Variants in NDE1 observed in about 807,000 individuals in gnomAD.
NDE1 encodes the protein nuclear distribution protein nudE homolog 1.
A neutral mutation model predicts 43.4 loss-of-function variants in NDE1; 28 were observed. The observed-to-expected ratio is 0.65, with a 90% CI of 0.48 to 0.89. The LOEUF (loss-of-function observed/expected upper bound fraction) is 0.89, where lower values mean the gene tolerates loss of function less well. Among genes scored for constraint, NDE1 ranks in the 40% least tolerant of loss-of-function variants. The pLI is 0.00. For missense variants in NDE1, 441 were observed against 434.1 expected, an observed-to-expected ratio of 1.02 and a Z score of -0.14; for synonymous variants, 184 against 172.0, an observed-to-expected ratio of 1.07 and a Z score of -0.55.
Position 15,724,322 on chromosome 16 carries a change from C to T in NDE1, c.*71C>T, listed in dbSNP as rs764341540. 6 of 1,614,042 alleles carry T rather than the reference C, an allele frequency of 3.7e-6. No individual in the cohort carries two copies. Among genetic ancestry groups the T allele is most frequent in the African/African-American group, 1.3e-5 (1 of 74,908 alleles). On this transcript the variant is annotated 3_prime_UTR_variant, in exon 9 of 9. Coordinates refer to ENST00000396354, the MANE Select transcript of NDE1 (RefSeq NM_017668.3). ...TCCTCGTACTGCTGGGTGAGGTTCT[C>T]GATCTCCTTCTGGAACCTCTTCTTC...
chr16:15,685,087 C>G (rs1394804630), intron 4 of NDE1, among the ~76,000 whole-genome samples: 1 of 152,174 alleles, frequency 6.6e-6, no homozygotes, highest in African/African-American at 2.4e-5. Flanking sequence ...GATAATGGGT[C>G]TTCCTCTTTA....
Position 15,688,633 on chromosome 16 carries a change from CAAA to C in NDE1, c.523+1140_523+1142del, listed in dbSNP as rs35767829. 1.3e-4 allele frequency among the ~76,000 whole-genome samples: 5 copies of C among 37,450 alleles called. No individual in the cohort carries two copies. In the East Asian group the frequency reaches 3.1e-3, roughly 23 times the overall value. The allele number at this position is 37,450 out of a possible 152,430, so 24.6% of individuals were successfully genotyped here. A position where few individuals can be genotyped will look rare whatever the true frequency, so the allele number is the denominator to read the frequency against. On this transcript the variant is annotated intron_variant, in intron 5 of 8. Coordinates refer to ENST00000396354, the MANE Select transcript of NDE1 (RefSeq NM_017668.3). ...GGGTGACAGAGTGAGACTCTTGTCT[CAAA>C]AAAAAAAAAAAAAAAAAGACATTCA...
At chr16:15,699,759 G>T (rs538224201) in intron 8 of NDE1, 4 of 1,351,460 alleles carry the variant, frequency 3.0e-6, no homozygotes, top group Non-Finnish European at 2.9e-6. Flanking sequence ...TTGGGAAGCC[G>T]CCTTCACACA....
intron 8 of NDE1, among the ~76,000 whole-genome samples, chr16:15,705,842 G>A (rs1169481515): frequency 1.3e-5 from 2 of 151,998 alleles, no homozygotes; most frequent in South Asian, 2.1e-4. Flanking sequence ...TTAGCCGGGC[G>A]TGCTGGCGGG....
chr16:15,658,598 A>G (rs1343838144), intron 1 of NDE1, among the ~76,000 whole-genome samples: 1 of 152,228 alleles, frequency 6.6e-6, no homozygotes, highest in Admixed American at 6.5e-5. Flanking sequence ...AAATGAATGC[A>G]TGTCTGGAAA....
chr16:15,708,389 A>C (rs1428551281), intron 8 of NDE1, among the ~76,000 whole-genome samples: 1 of 152,206 alleles, frequency 6.6e-6, no homozygotes, highest in Non-Finnish European at 1.5e-5. Flanking sequence ...AGATAGTGGA[A>C]CTGTCATATT....
At chr16:15,718,218 G>A (rs2040269586) in intron 8 of NDE1, 5 of 1,585,508 alleles carry the variant, frequency 3.2e-6, no homozygotes, top group Admixed American at 1.7e-5. Context: ...TCCAGGGCCT[G>A]CACACAGGAA....
chr16:15,689,000 A>C (rs1596616902), intron 5 of NDE1, among the ~76,000 whole-genome samples: 1 of 152,110 alleles, frequency 6.6e-6, no homozygotes, highest in Non-Finnish European at 1.5e-5. Flanking sequence ...TGCTGGCCCA[A>C]TTAATTATTT....
intron 8 of NDE1, chr16:15,719,710 G>A: frequency 6.2e-7 from 1 of 1,614,118 alleles, no homozygotes; most frequent in Non-Finnish European, 8.5e-7. Flanking sequence ...TCCTTCATCT[G>A]AGCCTGCATG....
intron 1 of NDE1, among the ~76,000 whole-genome samples, chr16:15,662,046 T>C (rs867931151): frequency 4.0e-5 from 6 of 151,828 alleles, no homozygotes; most frequent in Non-Finnish European, 5.9e-5. Flanking sequence ...TGATCCTCCT[T>C]CCTCAGCCTC....
intron 8 of NDE1, chr16:15,704,166 C>T (rs1290777890): frequency 6.2e-7 from 1 of 1,611,064 alleles, no homozygotes; most frequent in Non-Finnish European, 8.5e-7. Context: ...AAGAAATCTT[C>T]ATGGTTGGGA....
chr16:15,679,828 G>C (rs1041000613), intron 4 of NDE1, among the ~76,000 whole-genome samples: 1 of 152,146 alleles, frequency 6.6e-6, no homozygotes, highest in Non-Finnish European at 1.5e-5. Context: ...GCCCAGGCTG[G>C]AGTGCAGTGG....
chr16:15,659,537 A>C (rs1046404189), intron 1 of NDE1, among the ~76,000 whole-genome samples: 1 of 142,744 alleles, frequency 7.0e-6, no homozygotes, highest in African/African-American at 2.7e-5. Flanking sequence ...TCTGGGTTCA[A>C]GTGATTCTCC....
At chr16:15,671,678 GT>G (rs1221787741) in intron 3 of NDE1, among the ~76,000 whole-genome samples, 1 of 151,948 alleles carries the variant, frequency 6.6e-6, no homozygotes, top group African/African-American at 2.4e-5. Flanking sequence ...AATGATTATC[GT>G]TCTTTTTGTT....
At chr16:15,647,671 C>A (rs1307010483), upstream of NDE1, among the ~76,000 whole-genome samples, 6 of 152,074 alleles carry the variant, frequency 3.9e-5, no homozygotes, top group Non-Finnish European at 8.8e-5. Flanking sequence ...AATATAAGCC[C>A]TTTGAGGACA....
chr16:15,653,938 C>T (rs2036625761), intron 1 of NDE1, among the ~76,000 whole-genome samples: 2 of 152,134 alleles, frequency 1.3e-5, no homozygotes, highest in Admixed American at 1.3e-4. Context: ...CCATGTTGCC[C>T]AGGCTGGTCT....
chr16:15,670,094 C>T (rs1368226661), intron 3 of NDE1, among the ~76,000 whole-genome samples: 5 of 152,166 alleles, frequency 3.3e-5, no homozygotes, highest in African/African-American at 1.2e-4. Context: ...ATCCCCATCT[C>T]CCCGCCTTGC....
At position 15,694,187 on chromosome 16, in the gene NDE1, G is replaced by A. The variant is rs587783869; in HGVS notation, c.726G>A (p.Gly242=). Residue 242 remains glycine, a synonymous_variant, in exon 7 of 9, where the codon GGG becomes GGA. Coordinates refer to ENST00000396354, the MANE Select transcript of NDE1 (RefSeq NM_017668.3). The part of the protein sequence containing the change: ...FRRGLDDSTG[G]TPLTPAARIS... ...CAGGCCTGGACGACTCCACCGGGGG[G>A]ACCCCCCTCACACCTGCGGCCCGGA... The A allele has an allele frequency of 2.5e-6, 4 of 1,613,018 alleles. No individual in the cohort carries two copies. Among genetic ancestry groups the A allele is most frequent in the South Asian group, 2.2e-5 (2 of 91,012 alleles).
At chr16:15,646,824 G>A (rs34476424), upstream of NDE1, among the ~76,000 whole-genome samples, 5,890 of 152,082 alleles carry the variant, frequency 0.039, 229 homozygotes, top group East Asian at 0.17. Flanking sequence ...GCTGAGGCGG[G>A]TGGAGCACTT....
Sources: allele counts gnomAD v4.1 joint callset (sites outside exome capture counted in the v4.1 genomes callset), GRCh38; gene constraint gnomAD v4.1.1; transcripts MANE v1.5; gene names NCBI Gene and HGNC (gene_info 2026-07-23, HGNC 2026-07-21).